The following SCYL1 variants were observed in gnomAD, a reference collection of about 807,000 sequenced individuals.
The protein encoded by SCYL1 is N-terminal kinase-like protein.
SCYL1 carries 85 observed loss-of-function variants against 94.8 expected under a neutral mutation model. The ratio of observed to expected loss-of-function variants is 0.90; its 90% CI spans 0.75 to 1.07. The LOEUF (loss-of-function observed/expected upper bound fraction) is 1.07, where lower values mean the gene tolerates loss of function less well. Among genes scored for constraint, SCYL1 ranks in the 50% least tolerant of loss-of-function variants. The pLI is 0.00. For synonymous variants in SCYL1, 459 were observed against 435.5 expected, an observed-to-expected ratio of 1.05 and a Z score of -0.67; for missense variants, 968 against 1,083.3, an observed-to-expected ratio of 0.89 and a Z score of 1.49.
At chr11:65,533,904 GT>G (rs1855516449) in intron 9 of SCYL1, among the ~76,000 whole-genome samples, 1 of 152,108 alleles carries the variant, frequency 6.6e-6, no homozygotes, top group Non-Finnish European at 1.5e-5. Context: ...GGCCAACATG[GT>G]AAAACATGGT....
chr11:65,537,157 G>A (rs1855707180), intron 14 of SCYL1, 29 bp downstream of exon 14: 1 of 1,612,944 alleles, frequency 6.2e-7, no homozygotes, highest in East Asian at 2.2e-5. Context: ...GCCTCCCCAG[G>A]GGACCCCAGC....
chr11:65,537,938 G>A (rs1405832057), intron 15 of SCYL1, 29 bp from the exon 16 acceptor site: 1 of 1,594,178 alleles, frequency 6.3e-7, no homozygotes. Context: ...TTGGGCCCAG[G>A]GCTACTTCCC....
intron 9 of SCYL1, among the ~76,000 whole-genome samples, chr11:65,534,129 G>T (rs1855529767): frequency 6.6e-6 from 1 of 152,084 alleles, no homozygotes. Context: ...TACTTGGGAG[G>T]CTGAGGCAGG....
chr11:65,526,477 A>G lies in SCYL1; in HGVS notation c.602+127A>G, dbSNP rs1046919196. On this transcript the variant is annotated intron_variant, in intron 4 of 17. Coordinates refer to ENST00000270176, the MANE Select transcript of SCYL1 (RefSeq NM_020680.4). This position sits in a 1 kb window ranked among gnomAD's most constrained non-coding sequence, Gnocchi z 4.1. ...TGGCTGGGGAGGGAATCAGTGTCCCAGGAGTGAGGGACACTCCTCTGCCCC... is the reference window on the plus strand; with the variant it reads ...TGGCTGGGGAGGGAATCAGTGTCCCGGGAGTGAGGGACACTCCTCTGCCCC... 2.1e-5 allele frequency: 17 copies of G among 807,472 alleles called. No homozygotes were observed. The highest frequency in any genetic ancestry group is 3.1e-5 in the Non-Finnish European group (16 of 513,578). The allele number at this position is 807,472 out of a possible 1,614,324, so 50.0% of individuals were successfully genotyped here.
At position 65,526,864 on chromosome 11, in the gene SCYL1, C is replaced by T; in HGVS notation, c.684C>T (p.Asn228=). 11 of 1,613,404 alleles carry T rather than the reference C, an allele frequency of 6.8e-6. No homozygotes were observed. Among genetic ancestry groups the T allele is most frequent in the Non-Finnish European group, 9.3e-6 (11 of 1,179,924 alleles). Residue 228 remains asparagine, a synonymous_variant, in exon 5 of 18, where the codon AAC becomes AAT. Coordinates refer to ENST00000270176, the MANE Select transcript of SCYL1 (RefSeq NM_020680.4). This position sits in a 1 kb window ranked among gnomAD's most constrained non-coding sequence, Gnocchi z 4.1. ...GPLPRAAALR[N]PGKIPKTLVP... is the part of the protein sequence containing the mutation. Reference sequence around the variant, plus strand: ...TACCTCGGGCAGCAGCCCTACGCAACCCTGGGAAGGTAAGTTTCTTGCCCC... The same window carrying T: ...TACCTCGGGCAGCAGCCCTACGCAATCCTGGGAAGGTAAGTTTCTTGCCCC...
chr11:65,531,840 G>T (rs1006755814), intron 8 of SCYL1, among the ~76,000 whole-genome samples, 157 bp downstream of exon 8: 5 of 152,158 alleles, frequency 3.3e-5, no homozygotes, highest in African/African-American at 7.2e-5. Flanking sequence ...CAGAAAGTTG[G>T]CCACATACAG....
intron 17 of SCYL1, 56 bp from the exon 18 acceptor site, chr11:65,538,386 C>A: frequency 6.5e-7 from 1 of 1,539,098 alleles, no homozygotes; most frequent in Non-Finnish European, 8.8e-7. Context: ...CCCCTACAGG[C>A]CCCCGGCAGG....
rs1565068796 is a variant in SCYL1 at position 65,526,933 on chromosome 11, C to T, written c.694-29C>T. 3 of 1,610,460 alleles carry T rather than the reference C, an allele frequency of 1.9e-6. No homozygotes were observed. The highest frequency in any genetic ancestry group is 2.5e-6 in the Non-Finnish European group (3 of 1,177,536). The stretch of plus-strand genomic sequence containing the variant: ...CAGCCCCTCTGCCAGCTGGCTACCC[C>T]TGCCCTGACACTGACCCCTCCCCTA... On this transcript the variant is annotated intron_variant, in intron 5 of 17. Coordinates refer to ENST00000270176, the MANE Select transcript of SCYL1 (RefSeq NM_020680.4). The surrounding 1 kb of genome is among the most constrained non-coding windows in gnomAD (Gnocchi z 4.1).
rs1308007464 is a variant in SCYL1 at position 65,536,264 on chromosome 11, C to T, written c.1581C>T (p.Phe527=). 3.1e-6 allele frequency: 5 copies of T among 1,614,072 alleles called. No individual in the cohort carries two copies. Among genetic ancestry groups the T allele is most frequent in the African/African-American group, 1.3e-5 (1 of 75,052 alleles). The change falls in exon 12 of 18, where the codon TTC becomes TTT. Residue 527 remains phenylalanine (F), a synonymous_variant. Coordinates refer to ENST00000270176, the MANE Select transcript of SCYL1 (RefSeq NM_020680.4). ...DPEKSVRDQA[F]KAIRSFLSKL... ...TCTGCCTCGTTACCCCACAGGCCTT[C>T]AAGGCCATTCGGAGCTTCCTGTCCA...
At position 65,526,027 on chromosome 11, in the gene SCYL1, G is replaced by T; in HGVS notation, c.359G>T (p.Gly120Val). Residue 120 changes from glycine to valine, a missense_variant, in exon 3 of 18, where the codon GGG becomes GTG. By Grantham distance (109) the Gly-to-Val change is moderately radical. Coordinates refer to ENST00000270176, the MANE Select transcript of SCYL1 (RefSeq NM_020680.4). The surrounding 1 kb of genome is among the most constrained non-coding windows in gnomAD (Gnocchi z 4.1). ...CTGAAGGAGCTGGAGATCTCCTGGG[G>T]GCTACACCAGATCGTGGTGAGGTGG... ...GGLKELEISW[G>V]LHQIVKALSF... The T allele has an allele frequency of 6.2e-7, 1 of 1,613,088 alleles. No individual in the cohort carries two copies. The highest frequency in any genetic ancestry group is 8.5e-7 in the Non-Finnish European group (1 of 1,179,896).
At chr11:65,525,414 G>A in intron 1 of SCYL1, 150 bp downstream of exon 1, 1 of 1,079,110 alleles carries the variant, frequency 9.3e-7, no homozygotes, top group Non-Finnish European at 1.3e-6. Flanking sequence ...TACGTGGCGG[G>A]CGGAGGGACC....
intron 6 of SCYL1, among the ~76,000 whole-genome samples, chr11:65,528,426 G>A (rs1276980530): frequency 6.6e-6 from 1 of 151,278 alleles, no homozygotes; most frequent in African/African-American, 2.4e-5. Context: ...TGGGCAACAA[G>A]AGCAAATCTC....
intron 6 of SCYL1, among the ~76,000 whole-genome samples, chr11:65,529,060 A>G (rs1590726913): frequency 1.3e-5 from 2 of 152,168 alleles, no homozygotes; most frequent in African/African-American, 4.8e-5. Context: ...GCTCTGCTCT[A>G]TGCAATGCCC....
chr11:65,536,100 T>G lies in SCYL1; in HGVS notation c.1534T>G (p.Cys512Gly), dbSNP rs947345785. 1.9e-6 allele frequency: 3 copies of G among 1,614,186 alleles called. No individual in the cohort carries two copies. The highest frequency in any genetic ancestry group is 1.7e-5 in the Admixed American group (1 of 60,016). Residue 512 changes from cysteine to glycine, a missense_variant, in exon 11 of 18, where the codon TGC becomes GGC. This residue lies in a region of SCYL1 where 474 missense variants were observed against 463.6 expected (regional missense o/e 1.02). Transcript: ENST00000270176. ...DCAQKILPVL[C>G]GLTVDPEKSV... ...TGCCCAGAAGATCCTGCCTGTGCTCTGCGGTCTCACTGTAGATCCTGAGAA... is the reference window on the plus strand; with the variant it reads ...TGCCCAGAAGATCCTGCCTGTGCTCGGCGGTCTCACTGTAGATCCTGAGAA...
At position 65,530,862 on chromosome 11, in the gene SCYL1, C is replaced by G. The variant is rs1855328185; in HGVS notation, c.1008+75C>G. On this transcript the variant is annotated intron_variant, in intron 7 of 17. Coordinates refer to ENST00000270176, the MANE Select transcript of SCYL1 (RefSeq NM_020680.4). Reference sequence around the variant, plus strand: ...CCAAAGAGAAGGCCCTGGGGTAGGGCAGGCTGTTTAGGGCAGACCCAAGCC... The same window carrying G: ...CCAAAGAGAAGGCCCTGGGGTAGGGGAGGCTGTTTAGGGCAGACCCAAGCC... 2.0e-6 allele frequency: 3 copies of G among 1,516,032 alleles called. No individual in the cohort carries two copies. In the East Asian group the frequency reaches 6.8e-5, roughly 34 times the overall value. 93.9% of individuals were successfully genotyped at this position (1,516,032 alleles called of 1,614,324 possible). A position where few individuals can be genotyped will look rare whatever the true frequency, so the allele number is the denominator to read the frequency against.
chr11:65,533,041 A>C (rs1590734858), intron 9 of SCYL1: 3 of 517,348 alleles, frequency 5.8e-6, no homozygotes, highest in East Asian at 6.8e-5. Context: ...GGCAGCATGC[A>C]TGAGGTGCCC....
intron 9 of SCYL1, among the ~76,000 whole-genome samples, chr11:65,533,652 C>T (rs534452473): frequency 2.7e-5 from 4 of 147,212 alleles, no homozygotes; most frequent in South Asian, 2.2e-4. Context: ...TGGTGATGCA[C>T]GCCTATAGTC....
intron 14 of SCYL1, 97 bp downstream of exon 14, chr11:65,537,225 GTCC>G: frequency 7.4e-7 from 1 of 1,346,146 alleles, no homozygotes; most frequent in East Asian, 2.4e-5. Flanking sequence ...GAGTTGGCCT[GTCC>G]TCATCAGCAC....
intron 16 of SCYL1, 24 bp from the exon 17 acceptor site, chr11:65,538,246 T>C: frequency 1.3e-6 from 2 of 1,554,172 alleles, no homozygotes; most frequent in Non-Finnish European, 1.7e-6. Context: ...TGGGCCCCAC[T>C]GCAGCCCACA....
Sources: gnomAD v4.1 joint callset for allele counts (sites outside exome capture counted in the v4.1 genomes callset) on GRCh38, gnomAD v4.1.1 for gene constraint, gnomAD v4.1.1 regional missense constraint, Gnocchi (gnomAD v3.1) non-coding constraint, MANE v1.5 for transcripts, NCBI Gene and HGNC (gene_info 2026-07-23, HGNC 2026-07-21) for gene names.